TNIK: variants seen among roughly 807,000 people sequenced by gnomAD.
TNIK encodes the protein TRAF2 and NCK-interacting protein kinase.
TNIK carries 49 observed loss-of-function variants against 191.3 expected under a neutral mutation model. The ratio of observed to expected loss-of-function variants is 0.26; its 90% CI spans 0.20 to 0.32. The LOEUF (loss-of-function observed/expected upper bound fraction) is 0.32, where lower values mean the gene tolerates loss of function less well. Among genes scored for constraint, TNIK ranks in the 10% least tolerant of loss-of-function variants. The probability of loss-of-function intolerance (pLI) is 1.00; values close to 1 mark genes in which losing one functional copy is unlikely to be tolerated. For missense variants in TNIK, 1,155 were observed against 1,702.3 expected, an observed-to-expected ratio of 0.68 and a Z score of 5.66; for synonymous variants, 594 against 600.9, an observed-to-expected ratio of 0.99 and a Z score of 0.17.
At chr3:171,156,528 A>G (rs761066334) in intron 12 of TNIK, among the ~76,000 whole-genome samples, 1 of 152,172 alleles carries the variant, frequency 6.6e-6, no homozygotes, top group Non-Finnish European at 1.5e-5. Flanking sequence ...CTGCTGCCCA[A>G]CTTCCCCAAT....
At chr3:171,256,283 A>G (rs996542135) in intron 2 of TNIK, among the ~76,000 whole-genome samples, 7 of 152,210 alleles carry the variant, frequency 4.6e-5, no homozygotes, top group Non-Finnish European at 1.0e-4. Flanking sequence ...AAATGAGTCT[A>G]CAATTCCCAA....
chr3:171,228,915 A>G (rs1743281587), intron 2 of TNIK, among the ~76,000 whole-genome samples: 1 of 152,208 alleles, frequency 6.6e-6, no homozygotes, highest in Non-Finnish European at 1.5e-5. Context: ...AGAAAACACA[A>G]TGTCTACATG....
At chr3:171,102,835 CTAATCGGT>C (rs1723813580) in intron 21 of TNIK, among the ~76,000 whole-genome samples, 1 of 152,106 alleles carries the variant, frequency 6.6e-6, no homozygotes, top group African/African-American at 2.4e-5. Flanking sequence ...GTAATCCATC[CTAATCGGT>C]TAAAAGAAAA....
intron 1 of TNIK, among the ~76,000 whole-genome samples, chr3:171,381,106 A>T (rs1325048139): frequency 1.3e-5 from 2 of 152,118 alleles, no homozygotes; most frequent in Non-Finnish European, 2.9e-5. Context: ...ACCGTGAAGG[A>T]CATACAAATT....
At chr3:171,415,557 A>T (rs1160014201) in intron 1 of TNIK, among the ~76,000 whole-genome samples, 1 of 152,210 alleles carries the variant, frequency 6.6e-6, no homozygotes, top group African/African-American at 2.4e-5. Flanking sequence ...AACTAAGATA[A>T]ATGCACAAAA....
intron 2 of TNIK, among the ~76,000 whole-genome samples, chr3:171,235,473 A>G (rs1744150433): frequency 6.6e-6 from 1 of 152,148 alleles, no homozygotes; most frequent in South Asian, 2.1e-4. Context: ...TCCTCCCCAC[A>G]CAGCACAATA....
At chr3:171,129,661 C>T (rs1465679600) in intron 15 of TNIK, among the ~76,000 whole-genome samples, 1 of 152,136 alleles carries the variant, frequency 6.6e-6, no homozygotes, top group East Asian at 1.9e-4. Context: ...GTTTCATTTC[C>T]TTGTCATTCC....
At chr3:171,438,795 T>C (rs1726369420) in intron 1 of TNIK, among the ~76,000 whole-genome samples, 1 of 152,174 alleles carries the variant, frequency 6.6e-6, no homozygotes, top group African/African-American at 2.4e-5. Context: ...AGGAAGAGTG[T>C]GTGGGTTTCC....
intron 6 of TNIK, among the ~76,000 whole-genome samples, chr3:171,189,110 A>G (rs1737715995): frequency 6.6e-6 from 1 of 152,156 alleles, no homozygotes. Context: ...CCTGGCAATT[A>G]TTCTACTTTC....
chr3:171,204,325 A>C (rs1230067812), intron 4 of TNIK, among the ~76,000 whole-genome samples: 1 of 152,196 alleles, frequency 6.6e-6, no homozygotes, highest in East Asian at 1.9e-4. Context: ...CTACAACAAG[A>C]CTGATAGGAT....
At chr3:171,147,958 A>G (rs1401019157) in intron 12 of TNIK, among the ~76,000 whole-genome samples, 1 of 152,154 alleles carries the variant, frequency 6.6e-6, no homozygotes, top group Non-Finnish European at 1.5e-5. Flanking sequence ...TTCTATCTTT[A>G]CTTGTTACCT....
At position 171,126,146 on chromosome 3, in the gene TNIK, T is replaced by C; in HGVS notation, c.1779A>G (p.Pro593=). The change falls in exon 17 of 33, where the codon CCA becomes CCG. Residue 593 remains proline (P), a synonymous_variant. Transcript: ENST00000436636. ...PMLRPVDPQI[P]HLVAVKSQGP... is the part of the protein sequence containing the mutation. ...CCTGGGATTTTACAGCTACCAGATG[T>C]GGGATCTAAGCATCAAAACAACATG... 6.5e-7 allele frequency: 1 copy of C among 1,533,456 alleles called. No homozygotes were observed. The highest frequency in any genetic ancestry group is 8.7e-7 in the Non-Finnish European group (1 of 1,144,572). The allele number at this position is 1,533,456 out of a possible 1,614,324, so 95.0% of individuals were successfully genotyped here.
intron 2 of TNIK, among the ~76,000 whole-genome samples, chr3:171,270,423 C>T (rs949992261): frequency 6.6e-5 from 10 of 152,114 alleles, no homozygotes; most frequent in African/African-American, 2.2e-4. Context: ...CACTATAGAG[C>T]GACTGTTAAC....
intron 1 of TNIK, among the ~76,000 whole-genome samples, chr3:171,381,737 T>C (rs942382388): frequency 2.6e-5 from 4 of 152,172 alleles, no homozygotes; most frequent in Non-Finnish European, 5.9e-5. Flanking sequence ...GCAGAATTAC[T>C]GTGTGGGGCA....
chr3:171,383,345 T>C (rs1718313527), intron 1 of TNIK, among the ~76,000 whole-genome samples: 1 of 152,190 alleles, frequency 6.6e-6, no homozygotes, highest in Non-Finnish European at 1.5e-5. Flanking sequence ...CTTTTTTGAG[T>C]GTCTTTGAAC....
intron 2 of TNIK, among the ~76,000 whole-genome samples, chr3:171,297,844 T>C (rs1560391805): frequency 6.6e-6 from 1 of 152,216 alleles, no homozygotes; most frequent in Non-Finnish European, 1.5e-5. Context: ...AAAGAAAAAG[T>C]ATATAATGAC....
intron 1 of TNIK, among the ~76,000 whole-genome samples, chr3:171,439,783 C>T (rs1253883520): frequency 6.6e-6 from 1 of 152,170 alleles, no homozygotes; most frequent in East Asian, 1.9e-4. Flanking sequence ...CCACAAATTC[C>T]TCGCTGAAAG....
chr3:171,145,092 T>C (rs73169779), intron 12 of TNIK, among the ~76,000 whole-genome samples: 9 of 115,800 alleles, frequency 7.8e-5, no homozygotes, highest in Non-Finnish European at 9.8e-5. Flanking sequence ...CTCTCTCTTT[T>C]TTTTTTTTTT....
intron 1 of TNIK, among the ~76,000 whole-genome samples, chr3:171,384,540 G>A (rs1384338068): frequency 6.6e-6 from 1 of 152,204 alleles, no homozygotes; most frequent in Non-Finnish European, 1.5e-5. Flanking sequence ...AATCTACCCA[G>A]CAGAGATATG....
Sources: gnomAD v4.1 joint callset for allele counts (sites outside exome capture counted in the v4.1 genomes callset) on GRCh38, gnomAD v4.1.1 for gene constraint, MANE v1.5 for transcripts, NCBI Gene and HGNC (gene_info 2026-07-23, HGNC 2026-07-21) for gene names.